The following ADAM10 variants were observed in gnomAD, a reference collection of about 807,000 sequenced individuals.
ADAM10 encodes disintegrin and metalloproteinase domain-containing protein 10.
In ADAM10, 17 loss-of-function variants were observed where a neutral mutation model predicts 90.1. That is an observed-to-expected ratio of 0.19 (90% CI 0.13 to 0.28). The LOEUF is 0.28. Ranked by LOEUF, ADAM10 falls within the 10% of genes least tolerant of loss-of-function variation. ADAM10 has a pLI of 1.00. For missense variants in ADAM10, 610 were observed against 914.3 expected (o/e 0.67, Z 4.29); for synonymous variants, 310 against 298.6 (o/e 1.04, Z -0.40).
intron 2 of ADAM10, among the ~76,000 whole-genome samples, chr15:58,697,825 C>T (rs1427022859): frequency 1.3e-5 from 2 of 152,196 alleles, no homozygotes; most frequent in East Asian, 3.9e-4. Flanking sequence ...GACAGGCCCA[C>T]TTGGTGAACC....
At position 58,679,393 on chromosome 15, in the gene ADAM10, T is replaced by C. The variant is rs569597776; in HGVS notation, c.326-111A>G. 79 of 887,532 alleles carry C rather than the reference T, an allele frequency of 8.9e-5. No homozygotes were observed. The African/African-American group carries it at 1.1e-3, about 12-fold the overall frequency. The allele number at this position is 887,532 out of a possible 1,614,324, so 55.0% of individuals were successfully genotyped here. A position where few individuals can be genotyped will look rare whatever the true frequency, so the allele number is the denominator to read the frequency against. On this transcript the variant is annotated intron_variant, in intron 3 of 15. Transcript: ENST00000260408. The stretch of plus-strand genomic sequence containing the variant: ...ATATATACACACATGCATACATATA[T>C]ACACATATATATGGTTAAATCTTGA...
intron 7 of ADAM10, among the ~76,000 whole-genome samples, chr15:58,641,714 C>T (rs1342947505): frequency 6.6e-6 from 1 of 152,198 alleles, no homozygotes; most frequent in Non-Finnish European, 1.5e-5. Flanking sequence ...TGCATCCTTT[C>T]AGAGACCTGT....
chr15:58,717,477 A>C (rs1363875907), intron 2 of ADAM10, 100 bp downstream of exon 2: 6 of 1,441,010 alleles, frequency 4.2e-6, no homozygotes, highest in Non-Finnish European at 1.9e-6. Flanking sequence ...CCAAATGAAG[A>C]CCTTGCATTA....
At position 58,594,776 on chromosome 15, in the gene ADAM10, T is replaced by A. The variant is rs1894907100; in HGVS notation, c.*2771A>T. On this transcript the variant is annotated 3_prime_UTR_variant, in exon 16 of 16. Coordinates refer to ENST00000260408, the MANE Select transcript of ADAM10 (RefSeq NM_001110.4). The stretch of plus-strand genomic sequence containing the variant: ...ACTAATTTATAATTACCCAAATCAA[T>A]CAATATTGAGAGTTTCATAAATAAC... The A allele has an allele frequency of 6.6e-6, 1 of 152,128 alleles. No individual in the cohort carries two copies. Among genetic ancestry groups the A allele is most frequent in the African/African-American group, 2.4e-5 (1 of 41,426 alleles). 9.4% of individuals were successfully genotyped at this position (152,128 alleles called of 1,614,324 possible). A position where few individuals can be genotyped will look rare whatever the true frequency, so the allele number is the denominator to read the frequency against.
At chr15:58,696,926 GCCCTGGGGCCAAACAGCCC>G (rs2140783670) in intron 2 of ADAM10, among the ~76,000 whole-genome samples, 1 of 152,192 alleles carries the variant, frequency 6.6e-6, no homozygotes, top group Non-Finnish European at 1.5e-5. Context: ...GCTGTACCCT[GCCCTGGGGCCAAACAGCCC>G]CGGCATCTCC....
chr15:58,645,250 T>C lies in ADAM10; in HGVS notation c.735+805A>G, dbSNP rs1596023423. The stretch of plus-strand genomic sequence containing the variant: ...TCATTATAAAATTCACGCTATTTTG[T>C]CTTGAAATTTATTTGTTCCTTGGTA... On this transcript the variant is annotated intron_variant, in intron 6 of 15. Transcript: ENST00000260408. Among the ~76,000 whole-genome samples, 3 of 152,358 alleles carry C rather than the reference T, an allele frequency of 2.0e-5. No homozygotes were observed. In the South Asian group the frequency reaches 6.2e-4, roughly 32 times the overall value.
rs1257060994 is a variant in ADAM10 at position 58,701,014 on chromosome 15, C to CAAA, written c.206+16560_206+16562dup. 5.6e-4 allele frequency among the ~76,000 whole-genome samples: 25 copies of CAAA among 44,920 alleles called. 1 individual carries two copies. The highest frequency in any genetic ancestry group is 1.1e-3 in the Non-Finnish European group (18 of 16,440). 29.5% of individuals were successfully genotyped at this position (44,920 alleles called of 152,430 possible). ...AACAAAATTCCAACTTAAAAAAAAACAAAAAAACAAAAAAAAAAAAACAGG... is the reference window on the plus strand; with the variant it reads ...AACAAAATTCCAACTTAAAAAAAAACAAAAAAAAAACAAAAAAAAAAAAACAGG... On this transcript the variant is annotated intron_variant, in intron 2 of 15. Transcript: ENST00000260408.
Position 58,729,952 on chromosome 15 carries a change from GCT to G in ADAM10, c.56-12227_56-12226del, listed in dbSNP as rs1399789081. On this transcript the variant is annotated intron_variant, in intron 1 of 15. Transcript: ENST00000260408. ...ACTCCAGCGTAAGCAACAGAACGAG[GCT>G]CTGTAAAAAAAAACAAAAACAAAAA... Among the ~76,000 whole-genome samples the G allele has an allele frequency of 3.0e-5, 4 of 135,578 alleles. No individual in the cohort carries two copies. In the East Asian group the frequency reaches 1.0e-3, roughly 35 times the overall value. 88.9% of individuals were successfully genotyped at this position (135,578 alleles called of 152,430 possible).
At chr15:58,727,416 C>T (rs541983766) in intron 1 of ADAM10, among the ~76,000 whole-genome samples, 26 of 152,136 alleles carry the variant, frequency 1.7e-4, no homozygotes, top group African/African-American at 6.3e-4. Flanking sequence ...GTCTCAGACC[C>T]CTGACCTCAA....
At chr15:58,678,373 G>A (rs913243653) in intron 4 of ADAM10, among the ~76,000 whole-genome samples, 19 of 152,116 alleles carry the variant, frequency 1.2e-4, no homozygotes, top group East Asian at 1.9e-4. Context: ...AAAGGAAAAC[G>A]TATGTAGGAA....
intron 1 of ADAM10, among the ~76,000 whole-genome samples, chr15:58,723,286 C>A (rs753148924): frequency 6.6e-6 from 1 of 151,968 alleles, no homozygotes; most frequent in Non-Finnish European, 1.5e-5. Context: ...ATCACAGCCC[C>A]GTGACTGCAG....
At chr15:58,645,947 A>T in intron 6 of ADAM10, 108 bp downstream of exon 6, 1 of 1,208,518 alleles carries the variant, frequency 8.3e-7, no homozygotes, top group Non-Finnish European at 1.2e-6. Context: ...AACTGAAAAC[A>T]CATACTTTTT....
intron 2 of ADAM10, among the ~76,000 whole-genome samples, chr15:58,711,632 G>T (rs145732650): frequency 6.6e-6 from 1 of 152,248 alleles, no homozygotes; most frequent in Admixed American, 6.5e-5. Context: ...ATCAAAGACA[G>T]TCAAGTTAGC....
chr15:58,731,531 G>C (rs1899240922), intron 1 of ADAM10, among the ~76,000 whole-genome samples: 2 of 152,144 alleles, frequency 1.3e-5, no homozygotes, highest in Admixed American at 6.6e-5. Context: ...AAGAGGCTGA[G>C]GTGGGAGAAT....
At chr15:58,740,460 T>C (rs1178346000) in intron 1 of ADAM10, among the ~76,000 whole-genome samples, 1 of 152,064 alleles carries the variant, frequency 6.6e-6, no homozygotes, top group Non-Finnish European at 1.5e-5. Flanking sequence ...AGAAAAAATA[T>C]GGTATAAACA....
chr15:58,604,025 C>G (rs1174983430), intron 14 of ADAM10, among the ~76,000 whole-genome samples: 1 of 152,088 alleles, frequency 6.6e-6, no homozygotes, highest in Non-Finnish European at 1.5e-5. Flanking sequence ...CATGCTCTGT[C>G]CCCATAAAAT....
intron 7 of ADAM10, among the ~76,000 whole-genome samples, chr15:58,641,886 C>T (rs544939819): frequency 6.6e-6 from 1 of 152,146 alleles, no homozygotes; most frequent in African/African-American, 2.4e-5. Flanking sequence ...AGCTACAGGT[C>T]TCTTTATGAC....
chr15:58,717,714 A>G lies in ADAM10; in HGVS notation c.69T>C (p.Asn23=). ...AATGTCTGATATATTTATTTAAAGG[A>G]TTCCCATACTGACCTATAAAAAAAA... ...WAAGMGGQYG[N]PLNKYIRHYE... The change falls in exon 2 of 16, where the codon AAT becomes AAC. Residue 23 remains asparagine, a synonymous_variant. Coordinates refer to ENST00000260408, the MANE Select transcript of ADAM10 (RefSeq NM_001110.4). The G allele has an allele frequency of 6.2e-7, 1 of 1,612,478 alleles. No homozygotes were observed. Among genetic ancestry groups the G allele is most frequent in the Middle Eastern group, 1.7e-4 (1 of 6,052 alleles).
At chr15:58,639,667 A>C (rs1896361834) in intron 8 of ADAM10, among the ~76,000 whole-genome samples, 1 of 152,234 alleles carries the variant, frequency 6.6e-6, no homozygotes, top group South Asian at 2.1e-4. Flanking sequence ...CTTTAAAATG[A>C]CATCATGAAA....
Sources: gnomAD v4.1 joint callset for allele counts (sites outside exome capture counted in the v4.1 genomes callset) on GRCh38, gnomAD v4.1.1 for gene constraint, MANE v1.5 for transcripts, NCBI Gene and HGNC (gene_info 2026-07-23, HGNC 2026-07-21) for gene names.